Variants in ANK1 observed in about 807,000 individuals in gnomAD.
The protein encoded by ANK1 is ankyrin-1.
A neutral mutation model predicts 210.4 loss-of-function variants in ANK1; 51 were observed. That is an observed-to-expected ratio of 0.24 (90% CI 0.19 to 0.31). The LOEUF is 0.31. Among genes scored for constraint, ANK1 ranks in the 10% least tolerant of loss-of-function variants. The pLI, the probability that ANK1 is intolerant of heterozygous loss-of-function variation, is 1.00. For synonymous variants in ANK1, 967 were observed against 1,025.9 expected, an observed-to-expected ratio of 0.94 and a Z score of 1.10; for missense variants, 2,051 against 2,504.4, an observed-to-expected ratio of 0.82 and a Z score of 3.86.
rs370533824 is a variant in ANK1 at position 41,708,705 on chromosome 8, T to C, written c.1998+73A>G. On this transcript the variant is annotated intron_variant, in intron 17 of 42. Coordinates refer to ENST00000289734, the MANE Select transcript of ANK1 (RefSeq NM_000037.4). ...CCCTAACTCAGAACCTGGGCACACA[T>C]AGATGCTCAATATGAAGACACCACA... The C allele has an allele frequency of 1.1e-5, 17 of 1,549,364 alleles. No individual in the cohort carries two copies. The East Asian group carries it at 3.1e-4, about 29-fold the overall frequency.
In ANK1 at chr8:41,661,452, A is replaced by C. The variant is rs776671707; in HGVS notation, c.*14T>G. ...TACCTCCCGAGAGGCTACTCCAAGG[A>C]GAGCGGCTCGGGGTCACTGTTTCCC... On this transcript the variant is annotated 3_prime_UTR_variant, in exon 42 of 43. Transcript: ENST00000289734. 4.3e-6 allele frequency: 7 copies of C among 1,613,992 alleles called. No homozygotes were observed. The Admixed American group carries it at 1.2e-4, about 27-fold the overall frequency.
intron 1 of ANK1, among the ~76,000 whole-genome samples, chr8:41,884,712 A>G (rs1278895210): frequency 6.6e-6 from 1 of 152,168 alleles, no homozygotes; most frequent in African/African-American, 2.4e-5. Context: ...GCGTGTCTGT[A>G]GTCCTAGCTA....
At chr8:41,754,866 T>C (rs1385557074) in intron 2 of ANK1, among the ~76,000 whole-genome samples, 2 of 152,224 alleles carry the variant, frequency 1.3e-5, no homozygotes, top group Non-Finnish European at 2.9e-5. Context: ...GACCAGCTCC[T>C]TTCCAGGCGC....
chr8:41,848,187 A>AAAATAAAT (rs10632156), intron 1 of ANK1, among the ~76,000 whole-genome samples: 20,449 of 142,714 alleles, frequency 0.14, 1,582 homozygotes, highest in South Asian at 0.21. Flanking sequence ...CTCAATTTCA[A>AAAATAAAT]AAATAAATAA....
intron 1 of ANK1, among the ~76,000 whole-genome samples, chr8:41,818,059 G>C (rs187331392): frequency 1.3e-5 from 2 of 152,172 alleles, no homozygotes; most frequent in African/African-American, 4.8e-5. Context: ...ACGTGCCCCC[G>C]CTGGCTGCAA....
At chr8:41,702,697 T>A (rs1823195811) in intron 20 of ANK1, among the ~76,000 whole-genome samples, 1 of 152,234 alleles carries the variant, frequency 6.6e-6, no homozygotes, top group Non-Finnish European at 1.5e-5. Flanking sequence ...TACGTGATCA[T>A]AAATGGATAC....
At chr8:41,697,991 C>G (rs1821582277) in intron 24 of ANK1, 52 bp downstream of exon 24, 1 of 1,575,426 alleles carries the variant, frequency 6.3e-7, no homozygotes, top group Non-Finnish European at 8.7e-7. Context: ...ATCACTGTCC[C>G]AGGGTTTTCA....
intron 37 of ANK1, among the ~76,000 whole-genome samples, chr8:41,675,756 T>C (rs1813920660): frequency 6.6e-6 from 1 of 152,188 alleles, no homozygotes; most frequent in African/African-American, 2.4e-5. Context: ...TCCCTGCCCT[T>C]TCCCCCTCTG....
rs1389428080 is a variant in ANK1 at position 41,719,663 on chromosome 8, G to C, written c.1105C>G (p.Leu369Val). The change falls in exon 10 of 43, where the codon CTG becomes GTG. Residue 369 changes from leucine (L) to valine (V), a missense_variant and splice_region_variant. Physicochemically the swap from Leu to Val is conservative, Grantham distance 32 (BLOSUM62 1). Around this residue, in one of 6 missense-constraint regions of ANK1, gnomAD observed 1,413 missense variants for 1,707.4 expected, o/e 0.83. Transcript: ENST00000289734. ...TCTCCAGCAGCACCCCCACTCACCAGGGCTCTGGAGTTGGGTTTGGCCCCT... is the reference window on the plus strand; with the variant it reads ...TCTCCAGCAGCACCCCCACTCACCACGGCTCTGGAGTTGGGTTTGGCCCCT... ...DKGAKPNSRA[L>V]NGFTPLHIAC... 6.2e-7 allele frequency: 1 copy of C among 1,614,162 alleles called. No individual in the cohort carries two copies. Among genetic ancestry groups the C allele is most frequent in the Non-Finnish European group, 8.5e-7 (1 of 1,180,018 alleles).
At chr8:41,867,674 T>C (rs1814733253) in intron 1 of ANK1, among the ~76,000 whole-genome samples, 1 of 152,070 alleles carries the variant, frequency 6.6e-6, no homozygotes, top group Non-Finnish European at 1.5e-5. Flanking sequence ...CTTGAGCAGA[T>C]CACACATCTC....
At chr8:41,819,079 G>C (rs1021758557) in intron 1 of ANK1, among the ~76,000 whole-genome samples, 1 of 152,174 alleles carries the variant, frequency 6.6e-6, no homozygotes, top group Non-Finnish European at 1.5e-5. Flanking sequence ...GACCTCACTG[G>C]TTTCTCATAA....
chr8:41,712,547 T>C lies in ANK1; in HGVS notation c.1800+1609A>G, dbSNP rs143879805. On this transcript the variant is annotated intron_variant, in intron 16 of 42. Transcript: ENST00000289734. Reference sequence around the variant, plus strand: ...GGACAAGGACAACTAGGCTGGAAAGTCACGGAGAGGGGAGGGAGGAATGTG... The same window carrying C: ...GGACAAGGACAACTAGGCTGGAAAGCCACGGAGAGGGGAGGGAGGAATGTG... Among the ~76,000 whole-genome samples, 593 of 152,292 alleles carry C rather than the reference T, an allele frequency of 3.9e-3. 17 individuals carry two copies. The highest frequency in any genetic ancestry group is 0.03 in the Admixed American group (465 of 15,302).
At chr8:41,853,330 T>C (rs1811610682) in intron 1 of ANK1, among the ~76,000 whole-genome samples, 1 of 152,260 alleles carries the variant, frequency 6.6e-6, no homozygotes. Flanking sequence ...GTATCTTCAT[T>C]GCAGTGTTGA....
At chr8:41,789,995 C>T (rs1847300781) in intron 1 of ANK1, among the ~76,000 whole-genome samples, 1 of 152,160 alleles carries the variant, frequency 6.6e-6, no homozygotes, top group Non-Finnish European at 1.5e-5. Flanking sequence ...ACCTGGATGA[C>T]ACGTTTGTGA....
intron 1 of ANK1, among the ~76,000 whole-genome samples, chr8:41,836,412 T>C (rs1807724169): frequency 2.6e-5 from 4 of 152,242 alleles, no homozygotes. Context: ...ACCATGTGAC[T>C]AGAGAGGAGG....
In ANK1 at chr8:41,884,284, G is replaced by GT. The variant is rs112031590; in HGVS notation, c.126+12070dup. 8.3e-3 allele frequency among the ~76,000 whole-genome samples: 1,271 copies of GT among 152,268 alleles called. 24 individuals are homozygous for GT. The highest frequency in any genetic ancestry group is 0.028 in the African/African-American group (1,146 of 41,538). On this transcript the variant is annotated intron_variant, in intron 1 of 42. Coordinates refer to the ANK1 transcript ENST00000265709. ...AATCACTTGAACCTGGGAGGCAGAG[G>GT]TTTCAGTGAGCCAAGAACACGCCAT...
rs35112522 is a variant in ANK1 at position 41,887,242 on chromosome 8, C to CTTTTT, written c.126+9108_126+9112dup. ...TTCCTTTCTTCTTTTCTTTCCTTTC[C>CTTTTT]TTTTTTTTTTTTTTTTTTTTTTTAG... On this transcript the variant is annotated intron_variant, in intron 1 of 42. Coordinates refer to the ANK1 transcript ENST00000265709. Among the ~76,000 whole-genome samples the CTTTTT allele has an allele frequency of 1.6e-3, 133 of 80,692 alleles. 6 individuals are homozygous for CTTTTT. The highest frequency in any genetic ancestry group is 5.4e-3 in the African/African-American group (95 of 17,744). The allele number at this position is 80,692 out of a possible 152,430, so 52.9% of individuals were successfully genotyped here.
chr8:41,834,714 G>A (rs996510309), intron 1 of ANK1, among the ~76,000 whole-genome samples: 1 of 152,214 alleles, frequency 6.6e-6, no homozygotes, highest in African/African-American at 2.4e-5. Flanking sequence ...CAGTCTTAGC[G>A]GAGGCCATGC....
chr8:41,779,651 T>C (rs1844856170), intron 1 of ANK1, among the ~76,000 whole-genome samples: 1 of 152,184 alleles, frequency 6.6e-6, no homozygotes, highest in Non-Finnish European at 1.5e-5. Flanking sequence ...TAGGAGGTGC[T>C]GGGCACTGCT....
Sources: gnomAD v4.1 joint callset for allele counts (sites outside exome capture counted in the v4.1 genomes callset) on GRCh38, gnomAD v4.1.1 for gene constraint, gnomAD v4.1.1 regional missense constraint, MANE v1.5 for transcripts, NCBI Gene and HGNC (gene_info 2026-07-23, HGNC 2026-07-21) for gene names.